DIAPH2: variants seen among roughly 807,000 people sequenced by gnomAD.
DIAPH2 encodes the protein diaphanous related formin 2, also known as protein diaphanous homolog 2.
A neutral mutation model predicts 92.7 loss-of-function variants in DIAPH2; 35 were observed. That is an observed-to-expected ratio of 0.38 (90% CI 0.29 to 0.50). The LOEUF (loss-of-function observed/expected upper bound fraction) is 0.50. Ranked by LOEUF, DIAPH2 falls within the 20% of genes least tolerant of loss-of-function variation. The pLI, the probability that DIAPH2 is intolerant of heterozygous loss-of-function variation, is 0.94. For synonymous variants in DIAPH2, 301 were observed against 280.4 expected (o/e 1.07, Z -0.73); for missense variants, 701 against 819.5 (o/e 0.86, Z 1.77).
chrX:97,109,815 G>A (rs768050161), intron 20 of DIAPH2, among the ~76,000 whole-genome samples: 1 of 111,429 alleles, frequency 9.0e-6, no homozygotes, highest in South Asian at 3.8e-4. Context: ...TTTTACGATG[G>A]TTTATTTTCA....
At chrX:97,014,448 C>T (rs1189830711) in intron 17 of DIAPH2, among the ~76,000 whole-genome samples, 2 of 112,052 alleles carry the variant, frequency 1.8e-5, no homozygotes, top group Admixed American at 9.5e-5. Context: ...TTCTTTGCCT[C>T]TATTTCTCCT....
At chrX:96,820,291 G>A (rs1403865613) in intron 4 of DIAPH2, among the ~76,000 whole-genome samples, 1 of 111,743 alleles carries the variant, frequency 8.9e-6, no homozygotes, top group Non-Finnish European at 1.9e-5. Context: ...CCAATGTGGC[G>A]AAATCCCATC....
At chrX:97,161,818 C>G (rs996929047) in intron 22 of DIAPH2, among the ~76,000 whole-genome samples, 2 of 111,615 alleles carry the variant, frequency 1.8e-5, no homozygotes, top group Admixed American at 1.9e-4. Context: ...TAAAAGAAGA[C>G]TGTCTCATTA....
At chrX:96,854,598 C>CATATATATATATATATATAT in intron 4 of DIAPH2, among the ~76,000 whole-genome samples, 1 of 37,122 alleles carries the variant, frequency 2.7e-5, no homozygotes, top group South Asian at 1.7e-3. Flanking sequence ...CTCTCTCTCT[C>CATATATATATATATATATAT]ATATATATAT....
intron 1 of DIAPH2, among the ~76,000 whole-genome samples, chrX:96,708,202 G>A (rs1363683160): frequency 2.8e-5 from 3 of 105,365 alleles, no homozygotes; most frequent in Non-Finnish European, 5.8e-5. Context: ...CCCCTCAGGT[G>A]ACACCCATCC....
intron 23 of DIAPH2, among the ~76,000 whole-genome samples, chrX:97,252,134 C>T (rs1236893458): frequency 1.8e-5 from 2 of 112,214 alleles, no homozygotes; most frequent in Admixed American, 9.5e-5. Flanking sequence ...ACATCAACCA[C>T]GATGTCGACC....
chrX:97,208,849 A>G (rs778894589), intron 22 of DIAPH2, among the ~76,000 whole-genome samples: 12 of 110,735 alleles, frequency 1.1e-4, no homozygotes, highest in Non-Finnish European at 2.1e-4. Context: ...TCTCCCAGTA[A>G]TGTAAGGCAG....
chrX:97,444,475 C>T (rs1020230324), intron 26 of DIAPH2, among the ~76,000 whole-genome samples: 9 of 111,264 alleles, frequency 8.1e-5, no homozygotes, highest in African/African-American at 2.3e-4. Flanking sequence ...AATACCTGTT[C>T]GAGCTTTAGC....
At chrX:97,283,619 T>C (rs2068516291) in intron 23 of DIAPH2, among the ~76,000 whole-genome samples, 1 of 112,858 alleles carries the variant, frequency 8.9e-6, no homozygotes, top group African/African-American at 3.2e-5. Context: ...AATTTTAGCA[T>C]TTCTTTGTAC....
intron 17 of DIAPH2, among the ~76,000 whole-genome samples, chrX:97,061,031 A>G (rs1482904096): frequency 8.9e-6 from 1 of 112,699 alleles, no homozygotes; most frequent in African/African-American, 3.2e-5. Context: ...GTGATTGTCA[A>G]TATTAAAAGT....
chrX:96,860,695 A>G (rs2065068173), intron 4 of DIAPH2, among the ~76,000 whole-genome samples: 1 of 111,810 alleles, frequency 8.9e-6, no homozygotes, highest in Non-Finnish European at 1.9e-5. Context: ...CTTAATTCCA[A>G]GAGGGCAATG....
intron 23 of DIAPH2, among the ~76,000 whole-genome samples, chrX:97,310,679 T>G (rs2068785804): frequency 9.1e-6 from 1 of 110,185 alleles, no homozygotes; most frequent in Admixed American, 9.7e-5. Flanking sequence ...TTGTGAGGGG[T>G]GGAGGGAGTT....
rs935519534 is a variant in DIAPH2, at chrX:97,352,496, G to A, written c.3009+4216G>A. On this transcript the variant is annotated intron_variant, in intron 24 of 26. Transcript: ENST00000324765. ...GAATGTACAATATATTGGTATCAAG[G>A]TATATATAATTAGAAACATTTCTAA... is the stretch of plus-strand genomic sequence containing the variant. 3.6e-5 allele frequency among the ~76,000 whole-genome samples: 4 copies of A among 110,104 alleles called. 1 individual carries two copies. The highest frequency in any genetic ancestry group is 5.7e-5 in the Non-Finnish European group (3 of 52,440).
At chrX:96,912,651 T>A (rs2065475688) in intron 7 of DIAPH2, 99 bp downstream of exon 7, 2 of 982,428 alleles carry the variant, frequency 2.0e-6, no homozygotes, top group East Asian at 3.6e-5. Flanking sequence ...TTATTTTTTT[T>A]AATTTCCAGG....
At chrX:97,418,418 G>A (rs778281206) in intron 25 of DIAPH2, among the ~76,000 whole-genome samples, 1 of 111,776 alleles carries the variant, frequency 8.9e-6, no homozygotes, top group Non-Finnish European at 1.9e-5. Flanking sequence ...ATTCTCATGT[G>A]TCACTTGTGT....
intron 23 of DIAPH2, among the ~76,000 whole-genome samples, chrX:97,335,420 T>C (rs1029519087): frequency 3.6e-5 from 4 of 111,882 alleles, no homozygotes; most frequent in Non-Finnish European, 7.5e-5. Flanking sequence ...GAACTGAGTG[T>C]GAGGTAGGGC....
intron 19 of DIAPH2, among the ~76,000 whole-genome samples, chrX:97,082,710 C>T (rs1286534969): frequency 2.7e-5 from 3 of 111,421 alleles, no homozygotes; most frequent in Non-Finnish European, 3.8e-5. Flanking sequence ...TATAAACTTC[C>T]AAAATCTGAA....
chrX:97,011,642 C>T (rs1043773030), intron 17 of DIAPH2, among the ~76,000 whole-genome samples: 2 of 110,674 alleles, frequency 1.8e-5, no homozygotes, highest in African/African-American at 6.6e-5. Context: ...AATCCCAACA[C>T]TTTGAGATTC....
intron 11 of DIAPH2, among the ~76,000 whole-genome samples, chrX:96,937,610 A>G (rs765522149): frequency 8.9e-6 from 1 of 111,894 alleles, no homozygotes; most frequent in Non-Finnish European, 1.9e-5. Flanking sequence ...AGTGGTCTTG[A>G]ATAAAGAATA....
Sources: allele counts gnomAD v4.1 joint callset (sites outside exome capture counted in the v4.1 genomes callset), GRCh38; gene constraint gnomAD v4.1.1; transcripts MANE v1.5; gene names NCBI Gene and HGNC (gene_info 2026-07-23, HGNC 2026-07-21).